The following TFAP2D variants were observed in gnomAD, a reference collection of about 807,000 sequenced individuals.
TFAP2D encodes transcription factor AP-2-delta.
TFAP2D carries 9 observed loss-of-function variants against 43.6 expected under a neutral mutation model. The observed-to-expected ratio is 0.21, with a 90% CI of 0.12 to 0.36. The LOEUF (loss-of-function observed/expected upper bound fraction) is 0.36, where lower values mean the gene tolerates loss of function less well. TFAP2D is among the 10% of genes least tolerant of loss of function. The pLI is 1.00. For synonymous variants in TFAP2D, 256 were observed against 224.9 expected (o/e 1.14, Z -1.24); for missense variants, 513 against 561.4 (o/e 0.91, Z 0.87).
At chr6:50,729,995 T>C (rs1362598063) in intron 5 of TFAP2D, among the ~76,000 whole-genome samples, 1 of 152,202 alleles carries the variant, frequency 6.6e-6, no homozygotes, top group East Asian at 1.9e-4. Flanking sequence ...GAGTTATTAT[T>C]GAAAGGCTTT....
chr6:50,748,160 T>A (rs1023948030), intron 6 of TFAP2D, among the ~76,000 whole-genome samples: 3 of 151,976 alleles, frequency 2.0e-5, no homozygotes, highest in Non-Finnish European at 4.4e-5. Flanking sequence ...ATATAACCAG[T>A]AATCACTATA....
chr6:50,717,772 C>T (rs1245389091), intron 2 of TFAP2D, among the ~76,000 whole-genome samples: 1 of 152,138 alleles, frequency 6.6e-6, no homozygotes, highest in Non-Finnish European at 1.5e-5. Flanking sequence ...TGTTCTTGCT[C>T]CAAGTTGGCA....
At chr6:50,770,701 A>G (rs546597434) in intron 7 of TFAP2D, among the ~76,000 whole-genome samples, 27 of 152,224 alleles carry the variant, frequency 1.8e-4, no homozygotes, top group African/African-American at 6.3e-4. Flanking sequence ...CATTTGTATT[A>G]TTATAAAATA....
In TFAP2D at chr6:50,772,783, A is replaced by G; in HGVS notation, c.1278A>G (p.Gly426=). ...GCGGAGCGGCGGATTCTGGCCAAGG[A>G]CATGCCAACTCGGAGAAAGCTCCCC... ...KNGGAADSGQ[G]HANSEKAPLR... is the part of the protein sequence containing the mutation. Residue 426 remains glycine (G), a synonymous_variant, in exon 8 of 8, where the codon GGA becomes GGG. Transcript: ENST00000008391. The G allele has an allele frequency of 1.9e-6, 3 of 1,614,134 alleles. No homozygotes were observed. The highest frequency in any genetic ancestry group is 2.2e-5 in the South Asian group (2 of 91,080).
At chr6:50,762,708 C>T (rs2113892885) in intron 7 of TFAP2D, among the ~76,000 whole-genome samples, 1 of 152,242 alleles carries the variant, frequency 6.6e-6, no homozygotes, top group African/African-American at 2.4e-5. Flanking sequence ...TTTTCCCTAA[C>T]ATCAGGTGCC....
intron 7 of TFAP2D, 42 bp from the exon 8 acceptor site, chr6:50,772,603 C>G (rs753949249): frequency 6.4e-7 from 1 of 1,559,888 alleles, no homozygotes; most frequent in Non-Finnish European, 8.8e-7. Flanking sequence ...CATGATACTG[C>G]AAATCATTCA....
At chr6:50,739,612 TAGAGGG>T in intron 5 of TFAP2D, among the ~76,000 whole-genome samples, 2 of 152,190 alleles carry the variant, frequency 1.3e-5, no homozygotes, top group South Asian at 4.1e-4. Context: ...GCTCCACTGA[TAGAGGG>T]ATATACTCTA....
At chr6:50,760,891 G>A (rs931702693) in intron 7 of TFAP2D, among the ~76,000 whole-genome samples, 4 of 151,242 alleles carry the variant, frequency 2.6e-5, no homozygotes, top group Non-Finnish European at 4.4e-5. Context: ...TGTTGTTGTT[G>A]AGGGTCTGTT....
chr6:50,733,806 C>T (rs544148378), intron 5 of TFAP2D, among the ~76,000 whole-genome samples: 27 of 152,186 alleles, frequency 1.8e-4, no homozygotes, highest in African/African-American at 6.5e-4. Flanking sequence ...ATTCTGTCTG[C>T]CTGAGTGGTG....
At chr6:50,754,965 C>T (rs1368052130) in intron 7 of TFAP2D, among the ~76,000 whole-genome samples, 1 of 151,620 alleles carries the variant, frequency 6.6e-6, no homozygotes, top group Non-Finnish European at 1.5e-5. Flanking sequence ...ATTTTGATGT[C>T]GTTTAATTTG....
chr6:50,760,184 A>G (rs572343817), intron 7 of TFAP2D, among the ~76,000 whole-genome samples: 5 of 152,190 alleles, frequency 3.3e-5, no homozygotes, highest in African/African-American at 9.6e-5. Flanking sequence ...ACATATTAAC[A>G]TTACATAAAA....
At chr6:50,725,977 G>A (rs969908185) in intron 3 of TFAP2D, among the ~76,000 whole-genome samples, 9 of 152,194 alleles carry the variant, frequency 5.9e-5, no homozygotes, top group African/African-American at 2.2e-4. Context: ...TAGAGTTGAT[G>A]GCTAATCCTG....
chr6:50,728,701 T>C (rs1348236719), intron 3 of TFAP2D, among the ~76,000 whole-genome samples, 155 bp from the exon 4 acceptor site: 2 of 152,174 alleles, frequency 1.3e-5, no homozygotes, highest in Admixed American at 6.5e-5. Context: ...TGAAAGAACA[T>C]TTAGAGCAGC....
chr6:50,739,970 G>GT (rs1319966467), intron 5 of TFAP2D, among the ~76,000 whole-genome samples: 2 of 152,196 alleles, frequency 1.3e-5, no homozygotes, highest in Admixed American at 1.3e-4. Flanking sequence ...GTATAGAGCT[G>GT]TAGAATGCAT....
intron 1 of TFAP2D, among the ~76,000 whole-genome samples, chr6:50,714,627 C>T (rs1322072462): frequency 2.0e-5 from 3 of 152,080 alleles, no homozygotes; most frequent in Non-Finnish European, 2.9e-5. Context: ...CAGCCCGGGC[C>T]GAACATCTCG....
At chr6:50,740,394 T>A (rs28690893) in intron 5 of TFAP2D, among the ~76,000 whole-genome samples, 7,799 of 152,136 alleles carry the variant, frequency 0.051, 663 homozygotes, top group African/African-American at 0.18. Context: ...GTAATTTTTT[T>A]AAAAAATACC....
At chr6:50,757,610 AATTATTC>A (rs1477633914) in intron 7 of TFAP2D, among the ~76,000 whole-genome samples, 78 of 69,404 alleles carry the variant, frequency 1.1e-3, no homozygotes, top group African/African-American at 4.4e-3. Context: ...GAATATATAT[AATTATTC>A]TATATATATA....
intron 3 of TFAP2D, among the ~76,000 whole-genome samples, chr6:50,724,131 G>T (rs1208868357): frequency 6.6e-6 from 1 of 152,062 alleles, no homozygotes; most frequent in Non-Finnish European, 1.5e-5. Context: ...GGTAACATGG[G>T]GGAGGAGGGT....
intron 5 of TFAP2D, among the ~76,000 whole-genome samples, chr6:50,736,702 A>G (rs916377046): frequency 3.3e-5 from 5 of 152,154 alleles, no homozygotes; most frequent in Non-Finnish European, 5.9e-5. Flanking sequence ...GATACTATAT[A>G]TACGTCACTG....
Sources: allele counts gnomAD v4.1 joint callset (sites outside exome capture counted in the v4.1 genomes callset), GRCh38; gene constraint gnomAD v4.1.1; transcripts MANE v1.5; gene names NCBI Gene and HGNC (gene_info 2026-07-23, HGNC 2026-07-21).